The following SH2D4A variants were observed in gnomAD, a reference collection of about 807,000 sequenced individuals.
SH2D4A encodes SH2 domain-containing protein 4A.
In SH2D4A, 70 loss-of-function variants were observed where a neutral mutation model predicts 64.7. The observed-to-expected ratio is 1.08, with a 90% CI of 0.89 to 1.32. The LOEUF (loss-of-function observed/expected upper bound fraction) is 1.32, where lower values mean the gene tolerates loss of function less well. SH2D4A is among the 40% of genes most tolerant of loss of function. The pLI is 0.00. For synonymous variants in SH2D4A, 268 were observed against 200.7 expected (o/e 1.34, Z -2.83); for missense variants, 706 against 540.1 (o/e 1.31, Z -3.04).
intron 1 of SH2D4A, among the ~76,000 whole-genome samples, chr8:19,317,788 T>G (rs2052114626): frequency 6.6e-6 from 1 of 152,198 alleles, no homozygotes; most frequent in African/African-American, 2.4e-5. Flanking sequence ...TGTCTGAAGT[T>G]TAAGACTGTT....
intron 2 of SH2D4A, among the ~76,000 whole-genome samples, chr8:19,332,356 C>T (rs980373733): frequency 2.0e-5 from 3 of 152,132 alleles, no homozygotes; most frequent in Non-Finnish European, 2.9e-5. Context: ...GCACATGCAG[C>T]CAGGCGCAGT....
At chr8:19,389,072 G>C (rs1209803742) in intron 8 of SH2D4A, among the ~76,000 whole-genome samples, 1 of 152,198 alleles carries the variant, frequency 6.6e-6, no homozygotes, top group Non-Finnish European at 1.5e-5. Context: ...AGGAGAAACT[G>C]AGACTGACTG....
In SH2D4A at chr8:19,364,123, C is replaced by G. The variant is rs759741160; in HGVS notation, c.758C>G (p.Ala253Gly). The change falls in exon 7 of 10, where the codon GCA becomes GGA. Residue 253 changes from alanine to glycine, a missense_variant. By Grantham distance (60) the Ala-to-Gly change is moderately conservative. Coordinates refer to ENST00000265807, the MANE Select transcript of SH2D4A (RefSeq NM_022071.4). ...DEKRRSLAKQ[A>G]REDYKRLSLG... ...AAGAGACGCTCCTTGGCTAAACAAG[C>G]ACGAGAAGACTACAAGAGGTTATCC... 6.2e-7 allele frequency: 1 copy of G among 1,614,076 alleles called. No homozygotes were observed. The highest frequency in any genetic ancestry group is 1.7e-5 in the Admixed American group (1 of 60,004).
In SH2D4A at chr8:19,391,422, C is replaced by T. The variant is rs370325447; in HGVS notation, c.1049-1896C>T. Among the ~76,000 whole-genome samples the T allele has an allele frequency of 1.1e-3, 174 of 152,176 alleles. 3 individuals are homozygous for T. In the South Asian group the frequency reaches 0.034, roughly 30 times the overall value. On this transcript the variant is annotated intron_variant, in intron 8 of 9. Transcript: ENST00000265807. ...TCTCAGCAGGGAAGGGGTGGAAAAG[C>T]GACTGGACATGATACATGCAATGCA...
At chr8:19,370,175 G>T (rs79653315) in intron 7 of SH2D4A, among the ~76,000 whole-genome samples, 1,856 of 152,058 alleles carry the variant, frequency 0.012, 43 homozygotes, top group African/African-American at 0.043. Context: ...TTGTTTTGTG[G>T]CCTAACATAT....
chr8:19,342,089 G>T (rs2052538608), intron 4 of SH2D4A, among the ~76,000 whole-genome samples: 1 of 152,096 alleles, frequency 6.6e-6, no homozygotes, highest in African/African-American at 2.4e-5. Flanking sequence ...CTTTTTATTT[G>T]TACTGATTTA....
rs2052884957 is a variant in SH2D4A at position 19,361,367 on chromosome 8, C to T, written c.706+53C>T. On this transcript the variant is annotated intron_variant, in intron 6 of 9. Coordinates refer to ENST00000265807, the MANE Select transcript of SH2D4A (RefSeq NM_022071.4). Reference sequence around the variant, plus strand: ...CTTCCAGGCTCTCAGCTGATTCTCTCCCTTAATAATGTGATCAATCTAGAA... The same window carrying T: ...CTTCCAGGCTCTCAGCTGATTCTCTTCCTTAATAATGTGATCAATCTAGAA... 9.8e-6 allele frequency: 15 copies of T among 1,528,470 alleles called. No individual in the cohort carries two copies. In the South Asian group the frequency reaches 1.9e-4, roughly 19 times the overall value. 94.7% of individuals were successfully genotyped at this position (1,528,470 alleles called of 1,614,324 possible).
chr8:19,376,058 C>T (rs1247077377), intron 8 of SH2D4A, among the ~76,000 whole-genome samples: 1 of 152,082 alleles, frequency 6.6e-6, no homozygotes, highest in Non-Finnish European at 1.5e-5. Context: ...CTTGCAGTTG[C>T]TCTTCCTGCA....
At chr8:19,383,472 T>C (rs968481323) in intron 8 of SH2D4A, among the ~76,000 whole-genome samples, 2 of 152,034 alleles carry the variant, frequency 1.3e-5, no homozygotes, top group African/African-American at 4.8e-5. Flanking sequence ...GATCTGTCAT[T>C]GGGTCTTTTT....
At chr8:19,329,893 A>G (rs879449437) in intron 2 of SH2D4A, among the ~76,000 whole-genome samples, 6 of 152,278 alleles carry the variant, frequency 3.9e-5, no homozygotes, top group Non-Finnish European at 8.8e-5. Flanking sequence ...TCTTTTGCAA[A>G]TTGCCCAGTC....
At chr8:19,338,232 C>A (rs1178492252) in intron 4 of SH2D4A, among the ~76,000 whole-genome samples, 1 of 152,200 alleles carries the variant, frequency 6.6e-6, no homozygotes, top group African/African-American at 2.4e-5. Flanking sequence ...GACCCACTTT[C>A]TGGAAAACCA....
chr8:19,341,816 C>T lies in SH2D4A; in HGVS notation c.513+6959C>T, dbSNP rs115279385. On this transcript the variant is annotated intron_variant, in intron 4 of 9. Transcript: ENST00000265807. ...ATGATCACGCTACCCAACTCTAGCC[C>T]GGGTGACAGAGCAAAACCTTGTCTT... Among the ~76,000 whole-genome samples, 1,038 of 138,522 alleles carry T rather than the reference C, an allele frequency of 7.5e-3. 12 individuals carry two copies. The highest frequency in any genetic ancestry group is 0.028 in the African/African-American group (991 of 35,976). 90.9% of individuals were successfully genotyped at this position (138,522 alleles called of 152,430 possible). A position where few individuals can be genotyped will look rare whatever the true frequency, so the allele number is the denominator to read the frequency against.
intron 2 of SH2D4A, among the ~76,000 whole-genome samples, chr8:19,322,472 C>T (rs756219653): frequency 6.6e-6 from 1 of 152,170 alleles, no homozygotes; most frequent in Non-Finnish European, 1.5e-5. Context: ...TCCTTGACCC[C>T]CTCTAGCTTA....
chr8:19,319,004 C>A (rs924123945), intron 1 of SH2D4A, among the ~76,000 whole-genome samples: 2 of 150,822 alleles, frequency 1.3e-5, no homozygotes, highest in Admixed American at 1.3e-4. Flanking sequence ...TTTCTTTTTT[C>A]AGCCACACAG....
At chr8:19,344,557 A>G (rs2052581976) in intron 4 of SH2D4A, among the ~76,000 whole-genome samples, 1 of 152,142 alleles carries the variant, frequency 6.6e-6, no homozygotes. Context: ...CCCACAGTTA[A>G]TCCTGGATAA....
intron 8 of SH2D4A, among the ~76,000 whole-genome samples, chr8:19,378,169 G>A (rs1478023829): frequency 6.6e-6 from 1 of 152,040 alleles, no homozygotes; most frequent in Non-Finnish European, 1.5e-5. Flanking sequence ...ACATATTCTG[G>A]AGACTGATCC....
chr8:19,379,323 C>T (rs112009752), intron 8 of SH2D4A, among the ~76,000 whole-genome samples: 33 of 152,140 alleles, frequency 2.2e-4, no homozygotes, highest in African/African-American at 8.0e-4. Flanking sequence ...TCAAGATTTA[C>T]TCATGTTGTT....
At chr8:19,343,864 G>A (rs1263939858) in intron 4 of SH2D4A, among the ~76,000 whole-genome samples, 7 of 152,214 alleles carry the variant, frequency 4.6e-5, no homozygotes, top group Non-Finnish European at 7.3e-5. Flanking sequence ...TAGGAGGCCA[G>A]TGGCCTGTTC....
chr8:19,393,068 A>G, intron 8 of SH2D4A, among the ~76,000 whole-genome samples: 1 of 152,126 alleles, frequency 6.6e-6, no homozygotes, highest in East Asian at 1.9e-4. Flanking sequence ...TTTAAGGTTG[A>G]CATTTAAGCT....
Sources: allele counts gnomAD v4.1 joint callset (sites outside exome capture counted in the v4.1 genomes callset), GRCh38; gene constraint gnomAD v4.1.1; transcripts MANE v1.5; gene names NCBI Gene and HGNC (gene_info 2026-07-23, HGNC 2026-07-21).